DDX17: variants seen among roughly 807,000 people sequenced by gnomAD.
DDX17 encodes probable ATP-dependent RNA helicase DDX17.
In DDX17, 10 loss-of-function variants were observed where a neutral mutation model predicts 80.8. The observed-to-expected ratio is 0.12, with a 90% confidence interval of 0.08 to 0.21. The LOEUF is 0.21. Ranked by LOEUF, DDX17 falls within the 10% of genes least tolerant of loss-of-function variation. The pLI is 1.00. For missense variants in DDX17, 586 were observed against 957.4 expected, an observed-to-expected ratio of 0.61 and a Z score of 5.12; for synonymous variants, 339 against 336.2, an observed-to-expected ratio of 1.01 and a Z score of -0.09.
chr22:38,494,598 A>T, intron 8 of DDX17, 32 bp downstream of exon 8: 1 of 1,605,248 alleles, frequency 6.2e-7, no homozygotes, highest in Non-Finnish European at 8.5e-7. Flanking sequence ...GTTTATCAGC[A>T]TTATCAAATC....
At chr22:38,493,665 G>A in intron 10 of DDX17, 45 bp downstream of exon 10, 1 of 1,434,822 alleles carries the variant, frequency 7.0e-7, no homozygotes, top group Non-Finnish European at 9.8e-7. Flanking sequence ...TCACTTATGG[G>A]CAGGGGGTGG....
chr22:38,504,098 A>G (rs1022234648), intron 1 of DDX17, among the ~76,000 whole-genome samples: 1 of 152,266 alleles, frequency 6.6e-6, no homozygotes, highest in African/African-American at 2.4e-5. Context: ...AGTAACTTGT[A>G]GCCCCTCTAT....
At chr22:38,504,951 C>G (rs185366376) in intron 1 of DDX17, among the ~76,000 whole-genome samples, 1 of 152,210 alleles carries the variant, frequency 6.6e-6, no homozygotes. Context: ...GCTCTTGCCA[C>G]GGGCTGGAGT....
Position 38,498,165 on chromosome 22 carries a change from A to G in DDX17, c.673-15T>C. 6.2e-7 allele frequency: 1 copy of G among 1,612,870 alleles called. No individual in the cohort carries two copies. Among genetic ancestry groups the G allele is most frequent in the Non-Finnish European group, 8.5e-7 (1 of 1,179,026 alleles). On this transcript the variant is annotated splice_polypyrimidine_tract_variant and intron_variant, in intron 4 of 12. Transcript: ENST00000403230. ...GGCAGGAGATACTGTGGAGGGGGGAAAGAATGACAACCTTACGCTTAGAAG... is the reference window on the plus strand; with the variant it reads ...GGCAGGAGATACTGTGGAGGGGGGAGAGAATGACAACCTTACGCTTAGAAG...
rs2089622884 is a variant in DDX17, at chr22:38,483,565, A to G, written c.*2370T>C. On this transcript the variant is annotated 3_prime_UTR_variant, in exon 13 of 13. Transcript: ENST00000403230. The stretch of plus-strand genomic sequence containing the variant: ...TCCTGTGCCTGAACATCACACATCT[A>G]CAAGTCTTTCAAGTCTTAATGCAAC... 6.6e-6 allele frequency: 1 copy of G among 152,648 alleles called. No individual in the cohort carries two copies. The highest frequency in any genetic ancestry group is 6.5e-5 in the Admixed American group (1 of 15,272). 9.5% of individuals were successfully genotyped at this position (152,648 alleles called of 1,614,324 possible). A position where few individuals can be genotyped will look rare whatever the true frequency, so the allele number is the denominator to read the frequency against.
chr22:38,488,430 T>C, intron 11 of DDX17: 3 of 1,222,194 alleles, frequency 2.5e-6, no homozygotes, highest in Non-Finnish European at 3.1e-6. Context: ...ACACCAATAT[T>C]GGTCTTCAGA....
rs1387476022 is a variant in DDX17, at chr22:38,486,052, T to C, written c.2073A>G (p.Pro691=). Residue 691 remains proline, a synonymous_variant, in exon 13 of 13, where the codon CCA becomes CCG. Transcript: ENST00000403230. Reference sequence around the variant, plus strand: ...GCTGTGCAAACTGTTGTGACATCAGTGGCTGTGGCTGCTGCCCAGACCGGC... The same window carrying C: ...GCTGTGCAAACTGTTGTGACATCAGCGGCTGTGGCTGCTGCCCAGACCGGC... 8.1e-6 allele frequency: 13 copies of C among 1,614,090 alleles called. No individual in the cohort carries two copies. Among genetic ancestry groups the C allele is most frequent in the Middle Eastern group, 1.6e-4 (1 of 6,062 alleles).
rs2145688851 is a variant in DDX17 at position 38,489,453 on chromosome 22, G to A, written c.1448-1338C>T. ...AGCCCCATTTGGTTGCCAAGCGCCGGAGAACCTGGGTTCGGGTAAAAATTT... is the reference window on the plus strand; with the variant it reads ...AGCCCCATTTGGTTGCCAAGCGCCGAAGAACCTGGGTTCGGGTAAAAATTT... On this transcript the variant is annotated intron_variant, in intron 11 of 12. Transcript: ENST00000403230. The surrounding 1 kb of genome is among the most constrained non-coding windows in gnomAD (Gnocchi z 4.6). 1 of 985,732 alleles carries A rather than the reference G, an allele frequency of 1.0e-6. No individual in the cohort carries two copies. The allele number at this position is 985,732 out of a possible 1,614,324, so 61.1% of individuals were successfully genotyped here. A position where few individuals can be genotyped will look rare whatever the true frequency, so the allele number is the denominator to read the frequency against.
Position 38,484,440 on chromosome 22 carries a change from C to T in DDX17, c.*1495G>A, listed in dbSNP as rs1293322500. 2.6e-5 allele frequency: 4 copies of T among 152,194 alleles called. No individual in the cohort carries two copies. In the East Asian group the frequency reaches 7.7e-4, roughly 29 times the overall value. 9.4% of individuals were successfully genotyped at this position (152,194 alleles called of 1,614,324 possible). A position where few individuals can be genotyped will look rare whatever the true frequency, so the allele number is the denominator to read the frequency against. On this transcript the variant is annotated 3_prime_UTR_variant, in exon 13 of 13. Coordinates refer to ENST00000403230, the MANE Select transcript of DDX17 (RefSeq NM_006386.5). ...GAATTTTAAAAGGAAAACAAAACCT[C>T]GAGTATAGATCTTACAGATGAGCAA...
intron 1 of DDX17, among the ~76,000 whole-genome samples, chr22:38,503,138 C>T (rs2089846861): frequency 6.6e-6 from 1 of 152,124 alleles, no homozygotes; most frequent in Admixed American, 6.6e-5. Flanking sequence ...CATAGGGATA[C>T]CCGTGTCAGC....
intron 1 of DDX17, among the ~76,000 whole-genome samples, chr22:38,502,832 T>C (rs1327893309): frequency 6.6e-6 from 1 of 152,224 alleles, no homozygotes; most frequent in Non-Finnish European, 1.5e-5. Flanking sequence ...TAGTTCCCTT[T>C]TCCCACTCTA....
Position 38,501,539 on chromosome 22 carries a change from G to T in DDX17, c.288-259C>A, listed in dbSNP as rs150214422. On this transcript the variant is annotated intron_variant, in intron 1 of 12. Transcript: ENST00000403230. ...CTTTATTGAGAGAAATACATCCTAGGGATTACAATCACAGATTCTGGATCC... is the reference window on the plus strand; with the variant it reads ...CTTTATTGAGAGAAATACATCCTAGTGATTACAATCACAGATTCTGGATCC... 5.3e-3 allele frequency among the ~76,000 whole-genome samples: 810 copies of T among 152,140 alleles called. 5 individuals are homozygous for T. The highest frequency in any genetic ancestry group is 0.019 in the African/African-American group (782 of 41,500).
At chr22:38,492,910 T>G (rs987680470) in intron 10 of DDX17, among the ~76,000 whole-genome samples, 2 of 152,242 alleles carry the variant, frequency 1.3e-5, no homozygotes, top group African/African-American at 4.8e-5. Flanking sequence ...AACATTTTTC[T>G]TTAAATATTT....
intron 11 of DDX17, 193 bp from the exon 12 acceptor site, chr22:38,488,308 G>C: frequency 6.8e-7 from 1 of 1,478,340 alleles, no homozygotes; most frequent in South Asian, 1.4e-5. Flanking sequence ...ACTGATTCCT[G>C]GGACATGCAT....
Position 38,495,822 on chromosome 22 carries a change from C to A in DDX17, c.854G>T (p.Gly285Val). The A allele has an allele frequency of 6.2e-7, 1 of 1,607,194 alleles. No homozygotes were observed. Among genetic ancestry groups the A allele is most frequent in the South Asian group, 1.1e-5 (1 of 89,412 alleles). The stretch of plus-strand genomic sequence containing the variant: ...TCTTTCCAAGTCTCGAATCTGGGGA[C>A]CTTTAGGAGCACCTCCATAAATACA... The change falls in exon 6 of 13, where the codon GGT (glycine) becomes GTT (valine). Residue 285 changes from glycine to valine, a missense_variant. Transcript: ENST00000403230.
Position 38,487,293 on chromosome 22 carries a change from G to A in DDX17, c.1684+586C>T, listed in dbSNP as rs78856259. On this transcript the variant is annotated intron_variant, in intron 12 of 12. Transcript: ENST00000403230. Reference sequence around the variant, plus strand: ...GTGGATCACCAGAGGTCAGGAGTTCGAGACCAGCCAGGCCAACATGGTGAA... The same window carrying A: ...GTGGATCACCAGAGGTCAGGAGTTCAAGACCAGCCAGGCCAACATGGTGAA... 7.4e-4 allele frequency among the ~76,000 whole-genome samples: 112 copies of A among 151,620 alleles called. 2 individuals are homozygous for A. In the East Asian group the frequency reaches 0.016, roughly 22 times the overall value.
At chr22:38,493,344 G>A in intron 10 of DDX17, 1 of 167,266 alleles carries the variant, frequency 6.0e-6, no homozygotes, top group Non-Finnish European at 1.3e-5. Context: ...GCTTGGCTAA[G>A]TTTTGTTTTG....
intron 9 of DDX17, 81 bp from the exon 10 acceptor site, chr22:38,493,852 C>G (rs932554193): frequency 1.4e-6 from 2 of 1,441,326 alleles, no homozygotes; most frequent in African/African-American, 1.4e-5. Flanking sequence ...TGCTATCATG[C>G]AATTTTTGTA....
chr22:38,498,082 T>C lies in DDX17; in HGVS notation c.738+3A>G. On this transcript the variant is annotated splice_donor_region_variant and intron_variant, in intron 5 of 12. Transcript: ENST00000403230. ...AATTACAAAGAAACTGAAACACACTTACGATTGGGCCATCTCCCCTTTCCA... is the reference window on the plus strand; with the variant it reads ...AATTACAAAGAAACTGAAACACACTCACGATTGGGCCATCTCCCCTTTCCA... 1 of 1,613,424 alleles carries C rather than the reference T, an allele frequency of 6.2e-7. No individual in the cohort carries two copies. Among genetic ancestry groups the C allele is most frequent in the African/African-American group, 1.3e-5 (1 of 75,022 alleles).
Sources: allele counts gnomAD v4.1 joint callset (sites outside exome capture counted in the v4.1 genomes callset), GRCh38; gene constraint gnomAD v4.1.1; non-coding constraint Gnocchi (gnomAD v3.1); transcripts MANE v1.5; gene names NCBI Gene and HGNC (gene_info 2026-07-23, HGNC 2026-07-21).